FER1L6: variants seen among roughly 807,000 people sequenced by gnomAD.
The protein encoded by FER1L6 is fer-1 like family member 6.
Under a neutral mutation model 219.2 loss-of-function variants are expected in FER1L6, and 177 were observed. The ratio of observed to expected loss-of-function variants is 0.81; its 90% CI spans 0.71 to 0.91. The LOEUF (loss-of-function observed/expected upper bound fraction) is 0.91, where lower values mean the gene tolerates loss of function less well. Among genes scored for constraint, FER1L6 ranks in the 40% least tolerant of loss-of-function variants. FER1L6 has a pLI of 0.00. For synonymous variants in FER1L6, 768 were observed against 824.3 expected, an observed-to-expected ratio of 0.93 and a Z score of 1.17; for missense variants, 2,153 against 2,259.9, an observed-to-expected ratio of 0.95 and a Z score of 0.96.
Position 124,039,862 on chromosome 8 carries a change from C to T in FER1L6, c.2465-20C>T, listed in dbSNP as rs371717451. 29 of 1,613,918 alleles carry T rather than the reference C, an allele frequency of 1.8e-5. No homozygotes were observed. The highest frequency in any genetic ancestry group is 6.7e-5 in the African/African-American group (5 of 74,928). ...TGAAAAGCCCACTAACACCTGCCCC[C>T]TTCCATGATTTGTCCACAGAACAGC... On this transcript the variant is annotated intron_variant, in intron 19 of 40. Coordinates refer to ENST00000522917, the MANE Select transcript of FER1L6 (RefSeq NM_001039112.2).
In FER1L6 at chr8:123,986,069, T is replaced by C. The variant is rs199864701; in HGVS notation, c.1412T>C (p.Ile471Thr). ...EVESFDVPPE[I>T]VPEKNEEFLL... is the part of the protein sequence containing the mutation. ...AATAATTTTGTTTTCTTTCTGTAGA[T>C]TGTACCAGAAAAAAATGAGGAATTT... Residue 471 changes from isoleucine to threonine, a missense_variant and splice_region_variant, in exon 12 of 41, where the codon ATT (isoleucine) becomes ACT (threonine). Transcript: ENST00000522917. 6.7e-5 allele frequency: 106 copies of C among 1,591,980 alleles called. No individual in the cohort carries two copies. The highest frequency in any genetic ancestry group is 9.1e-5 in the Non-Finnish European group (106 of 1,160,056).
intron 12 of FER1L6, 125 bp downstream of exon 12, chr8:123,986,301 G>A (rs1490797470): frequency 1.7e-6 from 1 of 604,674 alleles, no homozygotes; most frequent in Non-Finnish European, 2.9e-6. Context: ...CTCAGAATGA[G>A]ATGAACAATT....
intron 6 of FER1L6, among the ~76,000 whole-genome samples, chr8:123,972,056 T>C (rs1301821343): frequency 1.3e-5 from 2 of 152,252 alleles, no homozygotes; most frequent in Non-Finnish European, 2.9e-5. Context: ...GTGTTCTTTC[T>C]CAGGCCTTTG....
In FER1L6 at chr8:124,045,944, A is replaced by G. The variant is rs770609144; in HGVS notation, c.2724+43A>G. ...CCAGTGCTGACCACACCTCATAAAA[A>G]ATGCCACGTTGAACTCACTCACTTT... is the stretch of plus-strand genomic sequence containing the variant. On this transcript the variant is annotated intron_variant, in intron 21 of 40. Coordinates refer to ENST00000522917, the MANE Select transcript of FER1L6 (RefSeq NM_001039112.2). The G allele has an allele frequency of 3.7e-6, 6 of 1,603,428 alleles. No individual in the cohort carries two copies. In the South Asian group the frequency reaches 6.7e-5, roughly 18 times the overall value.
intron 34 of FER1L6, among the ~76,000 whole-genome samples, chr8:124,094,334 C>G (rs1822180783): frequency 6.6e-6 from 1 of 152,146 alleles, no homozygotes; most frequent in African/African-American, 2.4e-5. Context: ...TACTCCAGGA[C>G]CAAGACTGCT....
At chr8:123,962,979 G>A (rs577557364) in intron 2 of FER1L6, among the ~76,000 whole-genome samples, 1 of 152,242 alleles carries the variant, frequency 6.6e-6, no homozygotes, top group Admixed American at 6.5e-5. Context: ...GGGGGAGGGG[G>A]TTGCTTAGGA....
chr8:124,089,043 G>C (rs1237176567), intron 33 of FER1L6, among the ~76,000 whole-genome samples: 1 of 152,268 alleles, frequency 6.6e-6, no homozygotes, highest in Middle Eastern at 3.4e-3. Context: ...CACTGGCTCC[G>C]AGCTCAGCAT....
intron 1 of FER1L6, among the ~76,000 whole-genome samples, chr8:123,931,368 G>T (rs1813755417): frequency 6.6e-6 from 1 of 152,162 alleles, no homozygotes; most frequent in African/African-American, 2.4e-5. Context: ...TCAAGGAGGG[G>T]TGTTTACTAG....
intron 22 of FER1L6, among the ~76,000 whole-genome samples, chr8:124,052,812 C>CA (rs531960842): frequency 4.6e-5 from 7 of 151,738 alleles, no homozygotes; most frequent in Non-Finnish European, 8.8e-5. Context: ...AACAAACAAA[C>CA]AAAAAAAACA....
chr8:124,021,090 C>A (rs1481453765), intron 16 of FER1L6, among the ~76,000 whole-genome samples: 3 of 152,098 alleles, frequency 2.0e-5, no homozygotes, highest in Admixed American at 6.5e-5. Flanking sequence ...GGAAAAGCTT[C>A]TTATAAAACT....
At chr8:123,974,680 A>AAAAAAAAAAAAAAAAAAAAAAAAAT (rs1362934333) in intron 7 of FER1L6, among the ~76,000 whole-genome samples, 16 of 148,594 alleles carry the variant, frequency 1.1e-4, no homozygotes, top group Non-Finnish European at 1.9e-4. Flanking sequence ...AAAAAAAAAA[A>AAAAAAAAAAAAAAAAAAAAAAAAAT]AAGAAATGTG....
intron 1 of FER1L6, among the ~76,000 whole-genome samples, chr8:123,916,909 T>C (rs925802001): frequency 2.6e-5 from 4 of 152,140 alleles, no homozygotes; most frequent in Non-Finnish European, 5.9e-5. Flanking sequence ...ACCCATGCCA[T>C]TGGTATTTTG....
At chr8:123,867,827 G>C (rs892084385) in intron 1 of FER1L6, among the ~76,000 whole-genome samples, 1 of 152,142 alleles carries the variant, frequency 6.6e-6, no homozygotes, top group Non-Finnish European at 1.5e-5. Context: ...TGTCATAAAT[G>C]TGTAACTTAC....
chr8:124,008,119 A>G (rs1817752306), intron 13 of FER1L6, among the ~76,000 whole-genome samples: 1 of 152,112 alleles, frequency 6.6e-6, no homozygotes, highest in African/African-American at 2.4e-5. Context: ...CCGAGTCCCC[A>G]AAGTCCACTG....
At chr8:124,009,348 G>C (rs752326702) in intron 13 of FER1L6, among the ~76,000 whole-genome samples, 2 of 152,158 alleles carry the variant, frequency 1.3e-5, no homozygotes, top group African/African-American at 4.8e-5. Context: ...CATTTCATAA[G>C]AAGGGATTGT....
chr8:124,053,790 C>T lies in FER1L6; in HGVS notation c.2874+4034C>T, dbSNP rs141646015. Among the ~76,000 whole-genome samples, 989 of 152,126 alleles carry T rather than the reference C, an allele frequency of 6.5e-3. 12 individuals carry two copies. Among genetic ancestry groups the T allele is most frequent in the Middle Eastern group, 0.027 (8 of 294 alleles). ...GGAGGATTACTTGAGCCTGGGAGGT[C>T]GAGGCTGCAGTGACATCATGATCAC... On this transcript the variant is annotated intron_variant, in intron 22 of 40. Transcript: ENST00000522917.
At chr8:123,954,918 T>A (rs1378952653) in intron 1 of FER1L6, among the ~76,000 whole-genome samples, 1 of 152,108 alleles carries the variant, frequency 6.6e-6, no homozygotes, top group East Asian at 1.9e-4. Flanking sequence ...TTCCTTCCCC[T>A]CCTCTCTCCA....
chr8:123,870,039 G>A (rs921177641), intron 1 of FER1L6, among the ~76,000 whole-genome samples: 6 of 152,212 alleles, frequency 3.9e-5, no homozygotes, highest in African/African-American at 1.2e-4. Context: ...TGGCAAGTAA[G>A]CATATGAAAA....
intron 7 of FER1L6, among the ~76,000 whole-genome samples, chr8:123,974,754 A>G (rs1815987816): frequency 6.6e-6 from 1 of 151,774 alleles, no homozygotes; most frequent in Non-Finnish European, 1.5e-5. Context: ...TATGTAAGCC[A>G]TCTTGGAAGT....
Sources: gnomAD v4.1 joint callset for allele counts (sites outside exome capture counted in the v4.1 genomes callset) on GRCh38, gnomAD v4.1.1 for gene constraint, MANE v1.5 for transcripts, NCBI Gene and HGNC (gene_info 2026-07-23, HGNC 2026-07-21) for gene names.